ERG: variants seen among roughly 807,000 people sequenced by gnomAD.
ERG encodes transcriptional regulator ERG.
Under a neutral mutation model 55.3 loss-of-function variants are expected in ERG, and 9 were observed. The ratio of observed to expected loss-of-function variants is 0.16; its 90% confidence interval spans 0.10 to 0.28. The LOEUF is 0.28. Among genes scored for constraint, ERG ranks in the 10% least tolerant of loss-of-function variants. ERG has a pLI of 1.00. For missense variants in ERG, 434 were observed against 631.6 expected (o/e 0.69, Z 3.35); for synonymous variants, 223 against 237.3 (o/e 0.94, Z 0.55).
At chr21:38,391,995 T>C (rs1428816438) in intron 7 of ERG, among the ~76,000 whole-genome samples, 1 of 151,274 alleles carries the variant, frequency 6.6e-6, no homozygotes, top group Non-Finnish European at 1.5e-5. Flanking sequence ...CCAAACAGAT[T>C]ACAATAAATC....
Position 38,574,880 on chromosome 21 carries a change from G to C in ERG, c.-41+782C>G, listed in dbSNP as rs555045749. On this transcript the variant is annotated intron_variant, in intron 2 of 8. Transcript: ENST00000398897. The stretch of plus-strand genomic sequence containing the variant: ...AGTTGAACTAACCAGCACAGGTGTA[G>C]ACAGCCTGTTTGGATAAGGTAGCTT... Among the ~76,000 whole-genome samples the C allele has an allele frequency of 1.9e-4, 29 of 152,352 alleles. 1 individual carries two copies. Among genetic ancestry groups the C allele is most frequent in the African/African-American group, 6.0e-4 (25 of 41,582 alleles).
At chr21:38,539,672 C>CTG (rs1268060221) in intron 2 of ERG, among the ~76,000 whole-genome samples, 33 of 152,228 alleles carry the variant, frequency 2.2e-4, no homozygotes, top group Non-Finnish European at 4.6e-4. Flanking sequence ...ACCATTGAAG[C>CTG]CCCTGCCTGT....
intron 1 of ERG, among the ~76,000 whole-genome samples, chr21:38,591,022 G>A (rs114594857): frequency 0.014 from 2,082 of 152,304 alleles, 40 homozygotes; most frequent in African/African-American, 0.046. Flanking sequence ...GGAGGCAGAA[G>A]AGGATTGAAG....
upstream of ERG, among the ~76,000 whole-genome samples, chr21:38,587,360 C>CTT (rs11312805): frequency 8.3e-5 from 11 of 132,366 alleles, no homozygotes; most frequent in African/African-American, 2.5e-4. Context: ...CTGTGCAAAT[C>CTT]TTTTTTTTTT....
chr21:38,416,524 A>T (rs2146486423), intron 3 of ERG, among the ~76,000 whole-genome samples: 1 of 152,332 alleles, frequency 6.6e-6, no homozygotes, highest in East Asian at 1.9e-4. Context: ...CTTCCCTCAC[A>T]TGCTCTTGGC....
intron 1 of ERG, among the ~76,000 whole-genome samples, chr21:38,474,291 A>G (rs923903894): frequency 6.6e-6 from 1 of 152,110 alleles, no homozygotes; most frequent in Non-Finnish European, 1.5e-5. Flanking sequence ...AAAGCCAAGA[A>G]GTGGGAGGTC....
At chr21:38,534,555 A>AC (rs2059695767) in intron 2 of ERG, among the ~76,000 whole-genome samples, 1 of 151,982 alleles carries the variant, frequency 6.6e-6, no homozygotes, top group Admixed American at 6.6e-5. Flanking sequence ...TGAAATATAA[A>AC]AAAAATTAAA....
intron 6 of ERG, chr21:38,395,581 CTG>C (rs1988174289): frequency 5.3e-6 from 1 of 188,538 alleles, no homozygotes. Context: ...CTGTAAGAGA[CTG>C]TGTTTAAAAA....
At chr21:38,584,562 G>GA (rs1050755945) in intron 1 of ERG, among the ~76,000 whole-genome samples, 1 of 152,192 alleles carries the variant, frequency 6.6e-6, no homozygotes, top group African/African-American at 2.4e-5. Context: ...GAGGGGCTGT[G>GA]AAGACTATAG....
intron 1 of ERG, among the ~76,000 whole-genome samples, chr21:38,602,235 C>G (rs386076): frequency 0.62 from 93,437 of 151,852 alleles, 29,262 homozygotes; most frequent in East Asian, 0.73. Context: ...ACGAGGTCAG[C>G]AGATCAAGAT....
intron 1 of ERG, among the ~76,000 whole-genome samples, chr21:38,449,272 C>T (rs1380518039): frequency 1.3e-5 from 2 of 152,156 alleles, no homozygotes; most frequent in African/African-American, 4.8e-5. Context: ...TTTTCTGTAG[C>T]TCCAGGAAAG....
At chr21:38,585,529 C>CCTCTTTTTTTTT (rs2060057282), upstream of ERG, among the ~76,000 whole-genome samples, 2 of 22,684 alleles carry the variant, frequency 8.8e-5, no homozygotes, top group Non-Finnish European at 2.2e-4. Context: ...CCCTCTCTCT[C>CCTCTTTTTTTTT]TTCTTTTTTT....
intron 1 of ERG, among the ~76,000 whole-genome samples, chr21:38,476,530 G>A (rs955825747): frequency 3.9e-5 from 6 of 152,166 alleles, no homozygotes; most frequent in Non-Finnish European, 8.8e-5. Context: ...CAATGGCCAT[G>A]CAAAAATCAG....
chr21:38,502,250 T>C (rs1396048957), upstream of ERG, among the ~76,000 whole-genome samples: 1 of 152,242 alleles, frequency 6.6e-6, no homozygotes, highest in Non-Finnish European at 1.5e-5. Context: ...AGATGAACAC[T>C]TAGCAATATG....
At chr21:38,529,183 G>A (rs1263430499) in intron 2 of ERG, among the ~76,000 whole-genome samples, 1 of 152,120 alleles carries the variant, frequency 6.6e-6, no homozygotes, top group Non-Finnish European at 1.5e-5. Context: ...AGTATGAGGT[G>A]GTGTTTAGCA....
At chr21:38,454,352 TG>T (rs1170448200) in intron 1 of ERG, among the ~76,000 whole-genome samples, 2 of 152,176 alleles carry the variant, frequency 1.3e-5, no homozygotes, top group African/African-American at 4.8e-5. Context: ...GGGAATCACC[TG>T]GGTAAATCCT....
Position 38,395,445 on chromosome 21 carries a change from G to A in ERG, c.746-3001C>T, listed in dbSNP as rs529300594. The A allele has an allele frequency of 1.1e-3, 238 of 216,790 alleles. 2 individuals carry two copies. The highest frequency in any genetic ancestry group is 5.6e-3 in the South Asian group (30 of 5,380). 13.4% of individuals were successfully genotyped at this position (216,790 alleles called of 1,614,324 possible). Reference sequence around the variant, plus strand: ...AGAATATATTTTACATTTAATTTTCGCTGATCATTTCAACACCCTCTCCAT... The same window carrying A: ...AGAATATATTTTACATTTAATTTTCACTGATCATTTCAACACCCTCTCCAT... On this transcript the variant is annotated intron_variant, in intron 6 of 9. Coordinates refer to ENST00000288319, the MANE Select transcript of ERG (RefSeq NM_182918.4).
chr21:38,455,312 C>A (rs1339216336), intron 1 of ERG, among the ~76,000 whole-genome samples: 1 of 152,032 alleles, frequency 6.6e-6, no homozygotes, highest in Non-Finnish European at 1.5e-5. Flanking sequence ...AGGTTCACAC[C>A]ATCATTCTGT....
chr21:38,651,429 C>G (rs2060488183), intron 1 of ERG, among the ~76,000 whole-genome samples: 1 of 152,162 alleles, frequency 6.6e-6, no homozygotes. Flanking sequence ...CTATGGAGCC[C>G]TTGAAATGTG....
Sources: gnomAD v4.1 joint callset for allele counts (sites outside exome capture counted in the v4.1 genomes callset) on GRCh38, gnomAD v4.1.1 for gene constraint, MANE v1.5 for transcripts, NCBI Gene and HGNC (gene_info 2026-07-23, HGNC 2026-07-21) for gene names.